The following ADAMTSL3 variants were observed in gnomAD, a reference collection of about 807,000 sequenced individuals.
ADAMTSL3 encodes the protein ADAMTS like 3.
A neutral mutation model predicts 201.7 loss-of-function variants in ADAMTSL3; 128 were observed. The ratio of observed to expected loss-of-function variants is 0.63; its 90% CI spans 0.55 to 0.73. ADAMTSL3 has a LOEUF of 0.73. ADAMTSL3 is among the 30% of genes least tolerant of loss of function. ADAMTSL3 has a pLI of 0.00. For missense variants in ADAMTSL3, 1,990 were observed against 2,119.6 expected, an observed-to-expected ratio of 0.94 and a Z score of 1.20; for synonymous variants, 738 against 748.4, an observed-to-expected ratio of 0.99 and a Z score of 0.23.
rs1555433213 is a variant in ADAMTSL3 at position 83,714,791 on chromosome 15, T to TTCTTTCTTTCTTTTTCTC, written c.189+10286_189+10287insTTCTTTCTTTTTCTCTCT. 9.6e-4 allele frequency among the ~76,000 whole-genome samples: 76 copies of TTCTTTCTTTCTTTTTCTC among 78,888 alleles called. 4 individuals carry two copies. The South Asian group carries it at 0.011, about 11-fold the overall frequency. The allele number at this position is 78,888 out of a possible 152,430, so 51.8% of individuals were successfully genotyped here. On this transcript the variant is annotated intron_variant, in intron 3 of 29. Transcript: ENST00000286744. ...TCTTTCTTTCTTTCTTTCTTTTTCTTTCTCTCTCTTTCTTTCTTCTTTCTT... is the reference window on the plus strand; with the variant it reads ...TCTTTCTTTCTTTCTTTCTTTTTCTTTCTTTCTTTCTTTTTCTCTCTCTCTCTTTCTTTCTTCTTTCTT...
At chr15:83,716,354 C>T (rs1386307277) in intron 3 of ADAMTSL3, among the ~76,000 whole-genome samples, 1 of 151,828 alleles carries the variant, frequency 6.6e-6, no homozygotes, top group African/African-American at 2.4e-5. Context: ...AACACACACA[C>T]ACACACACAC....
At chr15:83,941,472 A>C (rs1052228181) in intron 17 of ADAMTSL3, among the ~76,000 whole-genome samples, 1 of 152,184 alleles carries the variant, frequency 6.6e-6, no homozygotes, top group Non-Finnish European at 1.5e-5. Context: ...ATTTTAATGA[A>C]TAATTATTCA....
chr15:83,691,844 C>T (rs1449053398), intron 2 of ADAMTSL3, among the ~76,000 whole-genome samples: 1 of 152,118 alleles, frequency 6.6e-6, no homozygotes, highest in Non-Finnish European at 1.5e-5. Flanking sequence ...GAACTCCTGA[C>T]CTCAAGTGAT....
chr15:83,675,856 A>C (rs1019315503), intron 2 of ADAMTSL3, among the ~76,000 whole-genome samples: 2 of 152,038 alleles, frequency 1.3e-5, no homozygotes, highest in Non-Finnish European at 2.9e-5. Context: ...GGTCTATTTC[A>C]AATTGTTGAA....
At chr15:83,861,414 C>G in intron 8 of ADAMTSL3, 1 of 160,452 alleles carries the variant, frequency 6.2e-6, no homozygotes, top group Non-Finnish European at 1.3e-5. Flanking sequence ...AGGTACTCAT[C>G]TGAGACAAAA....
At chr15:83,747,186 G>T (rs1468528371) in intron 3 of ADAMTSL3, among the ~76,000 whole-genome samples, 1 of 152,156 alleles carries the variant, frequency 6.6e-6, no homozygotes. Context: ...CCCTCTTGCT[G>T]CAAGTGTCTG....
chr15:83,736,133 A>G (rs2062366048), intron 3 of ADAMTSL3, among the ~76,000 whole-genome samples: 2 of 152,210 alleles, frequency 1.3e-5, no homozygotes, highest in Admixed American at 6.5e-5. Flanking sequence ...AACAGGGGAA[A>G]GTGGTTCTTC....
chr15:83,921,095 T>C (rs1596408353), intron 16 of ADAMTSL3, among the ~76,000 whole-genome samples: 1 of 152,252 alleles, frequency 6.6e-6, no homozygotes, highest in African/African-American at 2.4e-5. Context: ...TAAGCCTCCC[T>C]GTTCTCCCTT....
rs1040343302 is a variant in ADAMTSL3 at position 84,026,405 on chromosome 15, G to A, written c.4656+969G>A. 2.6e-4 allele frequency among the ~76,000 whole-genome samples: 39 copies of A among 152,192 alleles called. 1 individual carries two copies. Among genetic ancestry groups the A allele is most frequent in the Admixed American group, 2.0e-3 (30 of 15,278 alleles). On this transcript the variant is annotated intron_variant, in intron 27 of 29. Coordinates refer to ENST00000286744, the MANE Select transcript of ADAMTSL3 (RefSeq NM_207517.3). ...ATTTATCTACAAATTCAATGTGATCGCTATCAAAATTTTATCTGGTTTCTT... is the reference window on the plus strand; with the variant it reads ...ATTTATCTACAAATTCAATGTGATCACTATCAAAATTTTATCTGGTTTCTT...
At chr15:83,677,034 G>A (rs2061416006) in intron 2 of ADAMTSL3, among the ~76,000 whole-genome samples, 2 of 152,304 alleles carry the variant, frequency 1.3e-5, no homozygotes, top group South Asian at 4.1e-4. Context: ...TTGACTCATG[G>A]ATTATTTAGA....
Position 83,890,097 on chromosome 15 carries a change from C to G in ADAMTSL3, c.1073-12C>G. 4 of 1,605,226 alleles carry G rather than the reference C, an allele frequency of 2.5e-6. No homozygotes were observed. The highest frequency in any genetic ancestry group is 3.4e-6 in the Non-Finnish European group (4 of 1,176,198). On this transcript the variant is annotated splice_polypyrimidine_tract_variant and intron_variant, in intron 10 of 29. Transcript: ENST00000286744. ...GATGCAATATTCAGACTTGCCTTTT[C>G]TAACACTTTAGGTTATCAGCTCAAT...
Position 84,038,844 on chromosome 15 carries a change from G to A in ADAMTSL3, c.*1038G>A, listed in dbSNP as rs1051911084. 3 of 152,226 alleles carry A rather than the reference G, an allele frequency of 2.0e-5. No individual in the cohort carries two copies. The highest frequency in any genetic ancestry group is 4.4e-5 in the Non-Finnish European group (3 of 68,050). The allele number at this position is 152,226 out of a possible 1,614,324, so 9.4% of individuals were successfully genotyped here. The stretch of plus-strand genomic sequence containing the variant: ...AATTTAGTTTAAGATTTGAGGAAAA[G>A]GGTAAGGGTTAGTTTCAGTTTTAGG... On this transcript the variant is annotated 3_prime_UTR_variant, in exon 30 of 30. Coordinates refer to ENST00000286744, the MANE Select transcript of ADAMTSL3 (RefSeq NM_207517.3).
At position 83,714,893 on chromosome 15, in the gene ADAMTSL3, CCT is replaced by C. The variant is rs1567093468; in HGVS notation, c.189+10386_189+10387del. ...CCCTCCCTCCCTTCCTTCCTTCCTTCCTTCCTTCCTTCCTTCCTTCCTTCCTT... is the reference window on the plus strand; with the variant it reads ...CCCTCCCTCCCTTCCTTCCTTCCTTCTCCTTCCTTCCTTCCTTCCTTCCTT... On this transcript the variant is annotated intron_variant, in intron 3 of 29. Coordinates refer to ENST00000286744, the MANE Select transcript of ADAMTSL3 (RefSeq NM_207517.3). 7.3e-3 allele frequency among the ~76,000 whole-genome samples: 298 copies of C among 40,922 alleles called. 2 individuals carry two copies. Among genetic ancestry groups the C allele is most frequent in the Non-Finnish European group, 9.1e-3 (234 of 25,582 alleles). 26.8% of individuals were successfully genotyped at this position (40,922 alleles called of 152,430 possible).
intron 26 of ADAMTSL3, among the ~76,000 whole-genome samples, chr15:84,023,243 A>G (rs2068237707): frequency 6.6e-6 from 1 of 152,262 alleles, no homozygotes; most frequent in Admixed American, 6.5e-5. Flanking sequence ...ACCAAATAGT[A>G]CCAAAATCCA....
intron 25 of ADAMTSL3, 44 bp from the exon 26 acceptor site, chr15:84,021,366 T>C (rs200951767): frequency 1.9e-6 from 3 of 1,607,784 alleles, no homozygotes; most frequent in East Asian, 4.5e-5. Context: ...CTCGTCGTCA[T>C]TTCTCTTTTG....
chr15:83,814,430 C>T (rs183063074), intron 5 of ADAMTSL3, among the ~76,000 whole-genome samples: 1 of 152,254 alleles, frequency 6.6e-6, no homozygotes, highest in East Asian at 1.9e-4. Flanking sequence ...TTTAAACTCC[C>T]AACTTCCACC....
chr15:84,000,537 C>G (rs1425933021), intron 23 of ADAMTSL3, among the ~76,000 whole-genome samples: 1 of 152,106 alleles, frequency 6.6e-6, no homozygotes, highest in Non-Finnish European at 1.5e-5. Flanking sequence ...AGTCTAGTTC[C>G]TTAGCATGCA....
intron 3 of ADAMTSL3, among the ~76,000 whole-genome samples, chr15:83,753,183 A>G (rs1239063661): frequency 1.3e-5 from 2 of 152,216 alleles, no homozygotes; most frequent in African/African-American, 4.8e-5. Context: ...GTTCTGAACC[A>G]TGCAGCAGTC....
chr15:83,898,575 C>T (rs2065663140), intron 14 of ADAMTSL3, among the ~76,000 whole-genome samples: 2 of 152,020 alleles, frequency 1.3e-5, no homozygotes, highest in Non-Finnish European at 2.9e-5. Context: ...TTTATAATCT[C>T]TCCAGTAGTT....
Sources: allele counts gnomAD v4.1 joint callset (sites outside exome capture counted in the v4.1 genomes callset), GRCh38; gene constraint gnomAD v4.1.1; transcripts MANE v1.5; gene names NCBI Gene and HGNC (gene_info 2026-07-23, HGNC 2026-07-21).